Variants in CDC42EP4 observed in about 807,000 individuals in gnomAD.
CDC42EP4 encodes the protein CDC42 effector protein (Rho GTPase binding) 4.
In CDC42EP4, 6 loss-of-function variants were observed where a neutral mutation model predicts 5.6. That is an observed-to-expected ratio of 1.07 (90% CI 0.59 to 2.12). The LOEUF is 2.12. Among genes scored for constraint, CDC42EP4 ranks in the 30% most tolerant of loss-of-function variants. CDC42EP4 has a pLI of 0.00. For missense variants in CDC42EP4, 490 were observed against 508.6 expected (o/e 0.96, Z 0.35); for synonymous variants, 230 against 224.2 (o/e 1.03, Z -0.23).
chr17:73,292,560 A>G lies in CDC42EP4; in HGVS notation c.-112-5948T>C, dbSNP rs80040816. ...ATAAATAAAATAAATGGTATCTCAT[A>G]TTCCTCAGTATAAGGAGGGAAAGGG... On this transcript the variant is annotated intron_variant, in intron 1 of 1. Transcript: ENST00000335793. Among the ~76,000 whole-genome samples the G allele has an allele frequency of 8.0e-3, 1,225 of 152,280 alleles. 16 individuals carry two copies. Among genetic ancestry groups the G allele is most frequent in the African/African-American group, 0.028 (1,182 of 41,548 alleles).
chr17:73,307,266 CCAGCACTGCCATCCTGGCACAG>C (rs1199218150), intron 1 of CDC42EP4: 3 of 152,192 alleles, frequency 2.0e-5, no homozygotes, highest in Non-Finnish European at 4.4e-5. Context: ...GCTTTGGATG[CCAGCACTGCCATCCTGGCACAG>C]AGCCCAGAGC....
intron 1 of CDC42EP4, among the ~76,000 whole-genome samples, chr17:73,298,107 G>GTA (rs1415903733): frequency 1.3e-5 from 2 of 151,738 alleles, no homozygotes; most frequent in East Asian, 1.9e-4. Flanking sequence ...CCCAGCATAA[G>GTA]ATGCCAACTG....
At position 73,286,418 on chromosome 17, in the gene CDC42EP4, C is replaced by A. The variant is rs776691106; in HGVS notation, c.83G>T (p.Ser28Ile). 6.2e-7 allele frequency: 1 copy of A among 1,613,684 alleles called. No individual in the cohort carries two copies. The highest frequency in any genetic ancestry group is 8.5e-7 in the Non-Finnish European group (1 of 1,179,832). ...SRADLTAEMISAPLGDFRHTM... is the reference protein window; with the variant it reads ...SRADLTAEMIIAPLGDFRHTM... ...GTGGCGGAAGTCGCCCAGCGGGGCG[C>A]TGATCATCTCGGCCGTGAGGTCCGC... is the stretch of plus-strand genomic sequence containing the variant. Residue 28 changes from serine to isoleucine, a missense_variant, in exon 2 of 2, where the codon AGC becomes ATC. Ser to Ile is a moderately radical substitution (Grantham distance 142, BLOSUM62 -2). Transcript: ENST00000335793. This position sits in a 1 kb window ranked among gnomAD's most constrained non-coding sequence, Gnocchi z 7.7.
chr17:73,295,001 G>A (rs1405794191), intron 1 of CDC42EP4, among the ~76,000 whole-genome samples: 5 of 152,032 alleles, frequency 3.3e-5, no homozygotes, highest in East Asian at 3.9e-4. Flanking sequence ...TAGTAGAGAC[G>A]GGGTTCCACC....
intron 1 of CDC42EP4, among the ~76,000 whole-genome samples, chr17:73,287,513 G>C (rs974454864): frequency 2.0e-5 from 3 of 152,204 alleles, no homozygotes; most frequent in Non-Finnish European, 4.4e-5. Context: ...GAGCCCAGGA[G>C]CCTGGAGGCA....
intron 1 of CDC42EP4, among the ~76,000 whole-genome samples, chr17:73,307,553 T>C (rs1389731528): frequency 2.0e-5 from 3 of 150,670 alleles, no homozygotes; most frequent in African/African-American, 4.9e-5. Flanking sequence ...GTTCACACCA[T>C]TCTCCTGCCT....
intron 1 of CDC42EP4, among the ~76,000 whole-genome samples, chr17:73,299,452 C>T (rs970054743): frequency 0.24 from 31,742 of 132,682 alleles, 3,853 homozygotes; most frequent in East Asian, 0.32. Context: ...AATACACACA[C>T]ACACACACAC....
chr17:73,301,586 C>T (rs2062219491), intron 1 of CDC42EP4, among the ~76,000 whole-genome samples: 2 of 152,178 alleles, frequency 1.3e-5, no homozygotes, highest in Admixed American at 1.3e-4. Context: ...GTGAGTCTGT[C>T]CCCCAGGCTG....
At chr17:73,309,036 T>C (rs2062259368) in intron 1 of CDC42EP4, among the ~76,000 whole-genome samples, 2 of 458 alleles carry the variant, frequency 4.4e-3, no homozygotes, top group Non-Finnish European at 0.027. Flanking sequence ...AAGCTCTGTC[T>C]CCAAAAAAAA....
intron 1 of CDC42EP4, chr17:73,311,564 C>T (rs2062275438): frequency 6.6e-6 from 1 of 152,536 alleles, no homozygotes; most frequent in Non-Finnish European, 1.5e-5. Context: ...TCAGCGGCAC[C>T]CTTGGCCAGG....
At chr17:73,292,503 G>A (rs1477334953) in intron 1 of CDC42EP4, among the ~76,000 whole-genome samples, 1 of 152,152 alleles carries the variant, frequency 6.6e-6, no homozygotes, top group Non-Finnish European at 1.5e-5. Context: ...GTGAGTGTGG[G>A]GGGTGGGGGT....
At chr17:73,294,857 T>G (rs531162091) in intron 1 of CDC42EP4, among the ~76,000 whole-genome samples, 4 of 152,224 alleles carry the variant, frequency 2.6e-5, no homozygotes, top group South Asian at 4.2e-4. Context: ...TTGCCCATGC[T>G]GGAATGTAAT....
At chr17:73,291,682 T>G (rs1568341558) in intron 1 of CDC42EP4, among the ~76,000 whole-genome samples, 1 of 152,018 alleles carries the variant, frequency 6.6e-6, no homozygotes, top group African/African-American at 2.4e-5. Flanking sequence ...TAGCCTGCCT[T>G]GGGCGGGACA....
intron 1 of CDC42EP4, among the ~76,000 whole-genome samples, chr17:73,304,377 G>C (rs2062234628): frequency 1.3e-5 from 2 of 151,198 alleles, no homozygotes; most frequent in Admixed American, 1.3e-4. Flanking sequence ...AAACTTCTGG[G>C]CTCAAGCCAT....
At chr17:73,300,082 AG>A (rs1568344567) in intron 1 of CDC42EP4, among the ~76,000 whole-genome samples, 1 of 152,178 alleles carries the variant, frequency 6.6e-6, no homozygotes, top group Non-Finnish European at 1.5e-5. Context: ...TCCAGCTCCC[AG>A]GAAGAAAAAC....
chr17:73,286,275 G>C lies in CDC42EP4; in HGVS notation c.226C>G (p.Arg76Gly). Residue 76 changes from arginine to glycine, a missense_variant, in exon 2 of 2, where the codon CGC becomes GGC. Arg to Gly is a moderately radical substitution (Grantham distance 125). Transcript: ENST00000335793. The surrounding 1 kb of genome is among the most constrained non-coding windows in gnomAD (Gnocchi z 7.7). Reference sequence around the variant, plus strand: ...CGGAACTTCCTGGACAGGAGACTGCGTTTGGAAGATGAAGAAGAGGGCTGT... The same window carrying C: ...CGGAACTTCCTGGACAGGAGACTGCCTTTGGAAGATGAAGAAGAGGGCTGT... ...DEQPSSSSSK[R>G]SLLSRKFRGS... The C allele has an allele frequency of 6.2e-7, 1 of 1,614,216 alleles. No homozygotes were observed. Among genetic ancestry groups the C allele is most frequent in the Non-Finnish European group, 8.5e-7 (1 of 1,180,034 alleles).
chr17:73,287,302 G>A (rs947008081), intron 1 of CDC42EP4, among the ~76,000 whole-genome samples: 1 of 152,130 alleles, frequency 6.6e-6, no homozygotes, highest in Admixed American at 6.5e-5. Flanking sequence ...CGCCTGTGAC[G>A]TCTCCACTGT....
chr17:73,289,561 G>C (rs2062150501), intron 1 of CDC42EP4, among the ~76,000 whole-genome samples: 1 of 140,602 alleles, frequency 7.1e-6, no homozygotes, highest in Admixed American at 7.1e-5. Context: ...TAATAAACCA[G>C]TAAAAGAAAA....
chr17:73,288,717 C>A (rs538966182), intron 1 of CDC42EP4, among the ~76,000 whole-genome samples: 1 of 152,166 alleles, frequency 6.6e-6, no homozygotes, highest in Non-Finnish European at 1.5e-5. Context: ...GGCTCCAGGG[C>A]TCCCAGCCTG....
Sources: gnomAD v4.1 joint callset for allele counts (sites outside exome capture counted in the v4.1 genomes callset) on GRCh38, gnomAD v4.1.1 for gene constraint, Gnocchi (gnomAD v3.1) non-coding constraint, MANE v1.5 for transcripts, NCBI Gene and HGNC (gene_info 2026-07-23, HGNC 2026-07-21) for gene names.